The following TNKS variants were observed in gnomAD, a reference collection of about 807,000 sequenced individuals.
The protein encoded by TNKS is tankyrase.
TNKS carries 72 observed loss-of-function variants against 135.8 expected under a neutral mutation model. That is an observed-to-expected ratio of 0.53 (90% CI 0.44 to 0.64). The LOEUF (loss-of-function observed/expected upper bound fraction) is 0.64, where lower values mean the gene tolerates loss of function less well. Ranked by LOEUF, TNKS falls within the 30% of genes least tolerant of loss-of-function variation. TNKS has a pLI of 0.00. For synonymous variants in TNKS, 849 were observed against 649.3 expected (o/e 1.31, Z -4.68); for missense variants, 1,769 against 1,674.0 (o/e 1.06, Z -0.99).
chr8:9,705,384 T>C (rs1349571483), intron 6 of TNKS, among the ~76,000 whole-genome samples: 2 of 152,208 alleles, frequency 1.3e-5, no homozygotes, highest in Non-Finnish European at 2.9e-5. Context: ...CACTTTAAGA[T>C]CTGAAAGATA....
intron 5 of TNKS, among the ~76,000 whole-genome samples, chr8:9,695,530 C>T (rs1585338880): frequency 6.6e-6 from 1 of 152,066 alleles, no homozygotes; most frequent in South Asian, 2.1e-4. Context: ...ACATTTTAAA[C>T]ACTTCAGTTT....
chr8:9,763,336 C>A, intron 22 of TNKS, 92 bp downstream of exon 22: 1 of 743,410 alleles, frequency 1.3e-6, no homozygotes, highest in Non-Finnish European at 2.1e-6. Context: ...CATTGCCTTG[C>A]GGTCACATGC....
chr8:9,750,405 T>C (rs1241899885), intron 18 of TNKS, among the ~76,000 whole-genome samples: 3 of 152,218 alleles, frequency 2.0e-5, no homozygotes, highest in African/African-American at 7.2e-5. Context: ...CATGGGCAGA[T>C]AAACACACCA....
At chr8:9,668,971 A>G (rs1432436917) in intron 3 of TNKS, among the ~76,000 whole-genome samples, 2 of 151,884 alleles carry the variant, frequency 1.3e-5, no homozygotes, top group Non-Finnish European at 2.9e-5. Flanking sequence ...TATTATTATT[A>G]TTGAATAGGA....
chr8:9,716,186 T>C (rs533490480), intron 11 of TNKS, among the ~76,000 whole-genome samples: 12 of 152,248 alleles, frequency 7.9e-5, no homozygotes, highest in Non-Finnish European at 1.0e-4. Flanking sequence ...TGACATTTAA[T>C]AGGCTTATTT....
intron 5 of TNKS, among the ~76,000 whole-genome samples, chr8:9,685,961 C>G (rs1291100145): frequency 1.3e-5 from 2 of 152,080 alleles, no homozygotes; most frequent in African/African-American, 4.8e-5. Flanking sequence ...TAACTTTTTT[C>G]CAAATACTGT....
At chr8:9,650,677 T>G (rs1355414823) in intron 3 of TNKS, among the ~76,000 whole-genome samples, 2 of 152,134 alleles carry the variant, frequency 1.3e-5, no homozygotes, top group Admixed American at 1.3e-4. Context: ...TTTTTCTTGC[T>G]TTGTTTGAGT....
chr8:9,727,427 G>C (rs1055656640), intron 13 of TNKS, among the ~76,000 whole-genome samples: 6 of 151,992 alleles, frequency 3.9e-5, no homozygotes, highest in South Asian at 2.1e-4. Flanking sequence ...TGGTCTTTTG[G>C]GGTTTGTTTT....
At position 9,735,547 on chromosome 8, in the gene TNKS, T is replaced by A. The variant is rs554221568; in HGVS notation, c.2643+61T>A. 6.2e-5 allele frequency: 83 copies of A among 1,348,918 alleles called. 1 individual carries two copies. The African/African-American group carries it at 9.1e-4, about 15-fold the overall frequency. 83.6% of individuals were successfully genotyped at this position (1,348,918 alleles called of 1,614,324 possible). On this transcript the variant is annotated intron_variant, in intron 17 of 26. Coordinates refer to ENST00000310430, the MANE Select transcript of TNKS (RefSeq NM_003747.3). ...CGCACGCGGTGGCTCACGCCTGTAA[T>A]CCCAGCACTTTAGGAGGCCGAGGAA...
At chr8:9,621,263 T>C (rs1799855049) in intron 3 of TNKS, among the ~76,000 whole-genome samples, 1 of 152,120 alleles carries the variant, frequency 6.6e-6, no homozygotes, top group African/African-American at 2.4e-5. Flanking sequence ...TGCCTGCAGC[T>C]GTCACATCAG....
intron 3 of TNKS, among the ~76,000 whole-genome samples, chr8:9,667,325 T>C (rs1252717280): frequency 2.0e-5 from 3 of 152,240 alleles, no homozygotes; most frequent in Admixed American, 2.0e-4. Context: ...TCTCAGGATA[T>C]ATGAACAAAG....
intron 2 of TNKS, among the ~76,000 whole-genome samples, chr8:9,588,725 T>TGCA (rs1798482767): frequency 6.6e-6 from 1 of 152,226 alleles, no homozygotes; most frequent in South Asian, 2.1e-4. Flanking sequence ...GATTATAAGG[T>TGCA]CTGTGCTTCT....
intron 18 of TNKS, among the ~76,000 whole-genome samples, chr8:9,750,372 C>G (rs990881712): frequency 1.3e-5 from 2 of 152,126 alleles, no homozygotes; most frequent in African/African-American, 4.8e-5. Context: ...TGGACAGTTC[C>G]TTTCTCTCTT....
At chr8:9,762,029 T>C (rs1807173000) in intron 21 of TNKS, among the ~76,000 whole-genome samples, 1 of 152,270 alleles carries the variant, frequency 6.6e-6, no homozygotes, top group African/African-American at 2.4e-5. Context: ...AATGATTATA[T>C]GATCATATCA....
At chr8:9,575,269 G>A (rs1585185152) in intron 1 of TNKS, 1 of 550,564 alleles carries the variant, frequency 1.8e-6, no homozygotes, top group African/African-American at 2.1e-5. Flanking sequence ...TGTATATTTA[G>A]TAGAGACGGG....
intron 3 of TNKS, among the ~76,000 whole-genome samples, chr8:9,638,401 A>G (rs1800596376): frequency 6.6e-6 from 1 of 152,222 alleles, no homozygotes; most frequent in Non-Finnish European, 1.5e-5. Context: ...GCTACTTTGA[A>G]TTATGGCTGG....
chr8:9,659,537 C>G (rs199763378), intron 3 of TNKS, among the ~76,000 whole-genome samples: 2 of 152,012 alleles, frequency 1.3e-5, no homozygotes, highest in African/African-American at 4.8e-5. Flanking sequence ...TTGAAACCAA[C>G]GAGAACAAAG....
intron 3 of TNKS, among the ~76,000 whole-genome samples, chr8:9,654,085 T>G (rs1294659434): frequency 6.6e-6 from 1 of 152,216 alleles, no homozygotes; most frequent in Non-Finnish European, 1.5e-5. Context: ...TCTGAGCTGT[T>G]TCAGCCAAAT....
intron 2 of TNKS, among the ~76,000 whole-genome samples, chr8:9,583,164 CAAAAAAAA>C: frequency 1.4e-5 from 1 of 71,748 alleles, no homozygotes; most frequent in Non-Finnish European, 3.0e-5. Flanking sequence ...GACTCTGTCT[CAAAAAAAA>C]AAAAAAAAAA....
Sources: allele counts gnomAD v4.1 joint callset (sites outside exome capture counted in the v4.1 genomes callset), GRCh38; gene constraint gnomAD v4.1.1; transcripts MANE v1.5; gene names NCBI Gene and HGNC (gene_info 2026-07-23, HGNC 2026-07-21).